LSAMP: variants seen among roughly 807,000 people sequenced by gnomAD.
LSAMP encodes the protein limbic system-associated membrane protein.
LSAMP carries 7 observed loss-of-function variants against 38.6 expected under a neutral mutation model. The ratio of observed to expected loss-of-function variants is 0.18; its 90% confidence interval spans 0.10 to 0.34. LSAMP has a LOEUF of 0.34. Among genes scored for constraint, LSAMP ranks in the 10% least tolerant of loss-of-function variants. The probability of loss-of-function intolerance (pLI) is 1.00; values close to 1 mark genes in which losing one functional copy is unlikely to be tolerated. For synonymous variants in LSAMP, 154 were observed against 166.8 expected, an observed-to-expected ratio of 0.92 and a Z score of 0.59; for missense variants, 313 against 420.0, an observed-to-expected ratio of 0.75 and a Z score of 2.23.
chr3:116,444,950 G>A lies in LSAMP; in HGVS notation c.82C>T (p.Pro28Ser). ...RLLCLLPTGL[P>S]VRSVDFNRGT... ...CGGTTAAAATCCACGCTGCGAACAG[G>A]CAGTCCTGTGGGAAGAAGGCAGAGC... The change falls in exon 1 of 7, where the codon CCT (proline) becomes TCT (serine). Residue 28 changes from proline (P) to serine (S), a missense_variant. Transcript: ENST00000490035. 1 of 1,614,136 alleles carries A rather than the reference G, an allele frequency of 6.2e-7. No homozygotes were observed. The highest frequency in any genetic ancestry group is 8.5e-7 in the Non-Finnish European group (1 of 1,180,036).
intron 1 of LSAMP, among the ~76,000 whole-genome samples, chr3:116,335,640 C>G (rs9870357): frequency 0.5 from 76,295 of 151,884 alleles, 22,678 homozygotes; most frequent in East Asian, 0.82. Flanking sequence ...CCTGATAAAT[C>G]TATCATACGT....
intron 3 of LSAMP, among the ~76,000 whole-genome samples, chr3:116,016,205 A>G (rs1940478571): frequency 6.6e-6 from 1 of 152,146 alleles, no homozygotes; most frequent in Non-Finnish European, 1.5e-5. Context: ...CCATGAAAAC[A>G]AACAAACAAA....
At chr3:116,278,706 C>T (rs746688686) in intron 1 of LSAMP, among the ~76,000 whole-genome samples, 39 of 152,058 alleles carry the variant, frequency 2.6e-4, no homozygotes, top group Admixed American at 9.2e-4. Flanking sequence ...ATAATATTAT[C>T]CACGCTTAAT....
At chr3:115,853,118 A>G (rs1387159874) in intron 3 of LSAMP, among the ~76,000 whole-genome samples, 1 of 152,256 alleles carries the variant, frequency 6.6e-6, no homozygotes, top group African/African-American at 2.4e-5. Context: ...CTATTACACC[A>G]TGCTGCAAAG....
At chr3:116,006,777 T>C (rs938184153) in intron 3 of LSAMP, among the ~76,000 whole-genome samples, 10 of 152,228 alleles carry the variant, frequency 6.6e-5, no homozygotes, top group Admixed American at 2.0e-4. Context: ...ATGACTTTTG[T>C]TCCGAGGTGA....
At chr3:115,999,277 G>A (rs1050448921) in intron 3 of LSAMP, among the ~76,000 whole-genome samples, 31 of 152,146 alleles carry the variant, frequency 2.0e-4, no homozygotes, top group African/African-American at 7.5e-4. Flanking sequence ...TGGGAAGAGA[G>A]ATTTTGGAAA....
intron 1 of LSAMP, among the ~76,000 whole-genome samples, chr3:116,219,031 T>C (rs2046252706): frequency 6.6e-6 from 1 of 152,212 alleles, no homozygotes; most frequent in Non-Finnish European, 1.5e-5. Flanking sequence ...AAGTACCATA[T>C]CATATAGTAC....
At chr3:116,160,477 GAGAGGAGAGGAAA>G (rs760073142) in intron 1 of LSAMP, among the ~76,000 whole-genome samples, 10 of 150,888 alleles carry the variant, frequency 6.6e-5, no homozygotes, top group Non-Finnish European at 1.5e-4. Context: ...GAGAAAAGAG[GAGAGGAGAGGAAA>G]AGAGAAGAGA....
chr3:116,136,085 G>T (rs751519975), intron 1 of LSAMP, among the ~76,000 whole-genome samples: 1 of 152,110 alleles, frequency 6.6e-6, no homozygotes, highest in Non-Finnish European at 1.5e-5. Flanking sequence ...AGGCTACAAG[G>T]TGGCAAGACC....
intron 2 of LSAMP, among the ~76,000 whole-genome samples, chr3:116,075,573 G>A (rs1226011484): frequency 2.1e-5 from 3 of 140,302 alleles, no homozygotes; most frequent in Non-Finnish European, 4.6e-5. Context: ...ATGGAGTCTC[G>A]CTCTGTCACC....
chr3:116,210,944 C>T (rs1321424097), intron 1 of LSAMP, among the ~76,000 whole-genome samples: 1 of 151,400 alleles, frequency 6.6e-6, no homozygotes, highest in African/African-American at 2.4e-5. Flanking sequence ...TGTCTATCAA[C>T]AGATGAATGG....
chr3:116,185,239 C>T (rs1378982222), intron 1 of LSAMP, among the ~76,000 whole-genome samples: 1 of 151,882 alleles, frequency 6.6e-6, no homozygotes, highest in Non-Finnish European at 1.5e-5. Flanking sequence ...GTTCTAAACA[C>T]CTACTGTAGA....
At chr3:115,912,232 C>G (rs868648757) in intron 3 of LSAMP, among the ~76,000 whole-genome samples, 4 of 152,112 alleles carry the variant, frequency 2.6e-5, no homozygotes, top group South Asian at 2.1e-4. Flanking sequence ...TTTGCCTAAC[C>G]CTAGATCATG....
intron 1 of LSAMP, among the ~76,000 whole-genome samples, chr3:116,252,071 G>C (rs890061151): frequency 6.6e-6 from 1 of 152,164 alleles, no homozygotes; most frequent in Non-Finnish European, 1.5e-5. Flanking sequence ...CGTTAGGAGC[G>C]TCTCTGCTCC....
Position 115,978,432 on chromosome 3 carries a change from C to G in LSAMP, c.514+41083G>C, listed in dbSNP as rs539863528. 1.1e-4 allele frequency among the ~76,000 whole-genome samples: 17 copies of G among 152,088 alleles called. No homozygotes were observed. In the South Asian group the frequency reaches 3.5e-3, roughly 32 times the overall value. On this transcript the variant is annotated intron_variant, in intron 3 of 6. Transcript: ENST00000490035. ...CTTCACCACCAAGATCTTTAACATT[C>G]TAATCCAGTACTCTTCCCACCACAT...
At chr3:116,275,794 C>T (rs2047043533) in intron 1 of LSAMP, among the ~76,000 whole-genome samples, 1 of 152,172 alleles carries the variant, frequency 6.6e-6, no homozygotes, top group Non-Finnish European at 1.5e-5. Context: ...TCTCTTCTCC[C>T]AATTTGAGAC....
At chr3:116,208,767 C>T (rs2046106851) in intron 1 of LSAMP, among the ~76,000 whole-genome samples, 1 of 152,178 alleles carries the variant, frequency 6.6e-6, no homozygotes, top group African/African-American at 2.4e-5. Context: ...TCTCAGATCT[C>T]CAGCTGCGTG....
At chr3:116,215,143 G>T (rs1342005689) in intron 1 of LSAMP, among the ~76,000 whole-genome samples, 2 of 152,186 alleles carry the variant, frequency 1.3e-5, no homozygotes, top group African/African-American at 4.8e-5. Context: ...CTTATGAAAT[G>T]TGCCATCATA....
intron 2 of LSAMP, among the ~76,000 whole-genome samples, chr3:116,033,555 C>T (rs1940977660): frequency 6.6e-6 from 1 of 152,146 alleles, no homozygotes; most frequent in African/African-American, 2.4e-5. Context: ...ACACGCACAA[C>T]ACCTGTGTTT....
Sources: allele counts gnomAD v4.1 joint callset (sites outside exome capture counted in the v4.1 genomes callset), GRCh38; gene constraint gnomAD v4.1.1; transcripts MANE v1.5; gene names NCBI Gene and HGNC (gene_info 2026-07-23, HGNC 2026-07-21).